Variants in GPHN observed in about 807,000 individuals in gnomAD.
The protein encoded by GPHN is gephyrin.
Under a neutral mutation model 95.5 loss-of-function variants are expected in GPHN, and 17 were observed. That is an observed-to-expected ratio of 0.18 (90% CI 0.12 to 0.27). The LOEUF (loss-of-function observed/expected upper bound fraction) is 0.27. GPHN is among the 10% of genes least tolerant of loss of function. The probability of loss-of-function intolerance (pLI) is 1.00; values close to 1 mark genes in which losing one functional copy is unlikely to be tolerated. For missense variants in GPHN, 660 were observed against 978.1 expected (o/e 0.67, Z 4.34); for synonymous variants, 320 against 322.5 (o/e 0.99, Z 0.08).
At chr14:67,010,151 T>C (rs558985557) in intron 9 of GPHN, among the ~76,000 whole-genome samples, 21 of 152,198 alleles carry the variant, frequency 1.4e-4, no homozygotes, top group African/African-American at 4.1e-4. Flanking sequence ...ACCCTTCAGC[T>C]CCTCCCATGT....
At chr14:67,304,651 A>AT in the GPHN span, among the ~76,000 whole-genome samples, 2 of 152,202 alleles carry the variant, frequency 1.3e-5, no homozygotes, top group African/African-American at 4.8e-5. Context: ...TTATGAGGGA[A>AT]TGGTGATTAC....
the GPHN span, among the ~76,000 whole-genome samples, chr14:67,344,929 C>T: frequency 6.6e-6 from 1 of 150,696 alleles, no homozygotes; most frequent in African/African-American, 2.4e-5. Flanking sequence ...TGTACCATAG[C>T]ACATACATTT....
At chr14:66,601,198 C>A (rs576636642) in intron 1 of GPHN, among the ~76,000 whole-genome samples, 4 of 151,866 alleles carry the variant, frequency 2.6e-5, no homozygotes, top group Non-Finnish European at 5.9e-5. Context: ...TATCTAAAAG[C>A]GTTAAAGGTG....
chr14:66,616,740 A>G (rs971459775), intron 1 of GPHN, among the ~76,000 whole-genome samples: 2 of 151,782 alleles, frequency 1.3e-5, no homozygotes, highest in African/African-American at 4.8e-5. Flanking sequence ...GAGTCTCGCT[A>G]TGTTGTCACC....
At chr14:67,375,841 A>G in the GPHN span, among the ~76,000 whole-genome samples, 40 of 152,160 alleles carry the variant, frequency 2.6e-4, no homozygotes, top group African/African-American at 9.7e-4. Context: ...GGAAAATTTC[A>G]TATTTTTTTG....
Position 66,508,372 on chromosome 14 carries a change from C to T in GPHN, c.-156C>T, listed in dbSNP as rs939980263. ...GCGGCCTCTCCCCCACGCAGGCCAC[C>T]GTGCACTCTGTGGCCTCCCCCTCCT... On this transcript the variant is annotated 5_prime_UTR_variant, in exon 1 of 23. Transcript: ENST00000478722. 4.0e-6 allele frequency: 3 copies of T among 744,660 alleles called. No individual in the cohort carries two copies. The highest frequency in any genetic ancestry group is 7.2e-6 in the Non-Finnish European group (3 of 416,492). 46.1% of individuals were successfully genotyped at this position (744,660 alleles called of 1,614,324 possible).
chr14:66,599,216 G>T (rs761770462), intron 1 of GPHN, among the ~76,000 whole-genome samples: 1 of 151,980 alleles, frequency 6.6e-6, no homozygotes, highest in African/African-American at 2.4e-5. Context: ...TCCATGGGTA[G>T]AGTAGGAAAC....
intron 1 of GPHN, among the ~76,000 whole-genome samples, chr14:66,546,310 C>A (rs2059593068): frequency 6.6e-6 from 1 of 151,808 alleles, no homozygotes; most frequent in South Asian, 2.1e-4. Flanking sequence ...CAGAGGGGCT[C>A]CTCACGTCCC....
chr14:66,533,818 G>A (rs553749813), intron 1 of GPHN, among the ~76,000 whole-genome samples: 25 of 152,152 alleles, frequency 1.6e-4, no homozygotes, highest in African/African-American at 5.8e-4. Flanking sequence ...CGCCTTAGGT[G>A]ACTATCTGGT....
intron 1 of GPHN, among the ~76,000 whole-genome samples, chr14:66,530,953 A>ATTTT (rs569763873): frequency 0.013 from 1,530 of 121,114 alleles, 29 homozygotes; most frequent in Middle Eastern, 0.018. Flanking sequence ...TGTTTGTTAG[A>ATTTT]TTTTTTTTTT....
chr14:67,554,179 T>C, the GPHN span, among the ~76,000 whole-genome samples: 250 of 152,304 alleles, frequency 1.6e-3, 2 homozygotes, highest in African/African-American at 5.7e-3. Flanking sequence ...GGTTCCCAAA[T>C]ATGAACTACT....
chr14:67,564,790 G>A, the GPHN span, among the ~76,000 whole-genome samples: 6 of 151,514 alleles, frequency 4.0e-5, no homozygotes, highest in African/African-American at 1.5e-4. Context: ...CCGGGCTCAA[G>A]CAATTCTCCC....
the GPHN span, among the ~76,000 whole-genome samples, chr14:67,489,847 A>G: frequency 4.6e-5 from 7 of 152,258 alleles, no homozygotes; most frequent in South Asian, 8.3e-4. Context: ...AAAATTAGCC[A>G]GGTGTGATGG....
the GPHN span, chr14:67,587,132 A>C: frequency 1.2e-6 from 2 of 1,613,094 alleles, no homozygotes; most frequent in East Asian, 2.2e-5. Flanking sequence ...ACAACTGTGA[A>C]CCCCCCCACC....
intron 16 of GPHN, among the ~76,000 whole-genome samples, chr14:67,120,457 G>A (rs1042884533): frequency 6.6e-6 from 1 of 151,626 alleles, no homozygotes; most frequent in African/African-American, 2.4e-5. Flanking sequence ...CTATTTTTTC[G>A]TTATGTCAGT....
At chr14:66,638,974 G>A (rs2064248366) in intron 1 of GPHN, among the ~76,000 whole-genome samples, 1 of 152,034 alleles carries the variant, frequency 6.6e-6, no homozygotes, top group Non-Finnish European at 1.5e-5. Flanking sequence ...GTGAAGAACA[G>A]GAAGGACCTT....
rs567040069 is a variant in GPHN, at chr14:67,069,419, C to A, written c.1144+10633C>A. ...GAATTTCTTCTAAAGGGAAGCCAAT[C>A]TCAGCTTAAGATAACTGCCTATGCT... On this transcript the variant is annotated intron_variant, in intron 11 of 22. Transcript: ENST00000478722. 9.1e-4 allele frequency among the ~76,000 whole-genome samples: 138 copies of A among 152,224 alleles called. 1 individual carries two copies. The Middle Eastern group carries it at 0.01, about 11-fold the overall frequency.
At chr14:66,999,233 G>A (rs1293814662) in intron 9 of GPHN, among the ~76,000 whole-genome samples, 2 of 151,720 alleles carry the variant, frequency 1.3e-5, no homozygotes, top group Non-Finnish European at 2.9e-5. Flanking sequence ...TATATAGTTT[G>A]GGGTATATAT....
At position 66,525,990 on chromosome 14, in the gene GPHN, A is replaced by C. The variant is rs886931222; in HGVS notation, c.64+17399A>C. Among the ~76,000 whole-genome samples, 5 of 151,816 alleles carry C rather than the reference A, an allele frequency of 3.3e-5. No individual in the cohort carries two copies. In the South Asian group the frequency reaches 1.0e-3, roughly 31 times the overall value. Reference sequence around the variant, plus strand: ...GTGGGCTCTTTTTGGTTCCATATGAAATTTAAAGTAGTTTTTTTTTTTTTA... The same window carrying C: ...GTGGGCTCTTTTTGGTTCCATATGACATTTAAAGTAGTTTTTTTTTTTTTA... On this transcript the variant is annotated intron_variant, in intron 1 of 22. Coordinates refer to ENST00000478722, the MANE Select transcript of GPHN (RefSeq NM_020806.5).
Sources: gnomAD v4.1 joint callset for allele counts (sites outside exome capture counted in the v4.1 genomes callset) on GRCh38, gnomAD v4.1.1 for gene constraint, MANE v1.5 for transcripts, NCBI Gene and HGNC (gene_info 2026-07-23, HGNC 2026-07-21) for gene names.